DYNC1LI1: variants seen among roughly 807,000 people sequenced by gnomAD.
DYNC1LI1 encodes cytoplasmic dynein 1 light intermediate chain 1.
A neutral mutation model predicts 63.8 loss-of-function variants in DYNC1LI1; 19 were observed. The observed-to-expected ratio is 0.30, with a 90% CI of 0.21 to 0.44. DYNC1LI1 has a LOEUF of 0.44. DYNC1LI1 is among the 20% of genes least tolerant of loss of function. The pLI, the probability that DYNC1LI1 is intolerant of heterozygous loss-of-function variation, is 1.00. For missense variants in DYNC1LI1, 565 were observed against 630.2 expected (o/e 0.90, Z 1.11); for synonymous variants, 225 against 232.3 (o/e 0.97, Z 0.28).
intron 2 of DYNC1LI1, among the ~76,000 whole-genome samples, chr3:32,548,295 T>G (rs888746292): frequency 6.6e-6 from 1 of 152,094 alleles, no homozygotes; most frequent in African/African-American, 2.4e-5. Flanking sequence ...AACCCTAATG[T>G]GAACTGCGCA....
At chr3:32,532,959 A>T in intron 8 of DYNC1LI1, 27 bp downstream of exon 8, 1 of 1,553,342 alleles carries the variant, frequency 6.4e-7, no homozygotes, top group South Asian at 1.2e-5. Context: ...AAGTCTAAAT[A>T]TTGAGATTAT....
intron 2 of DYNC1LI1, among the ~76,000 whole-genome samples, chr3:32,554,869 T>G (rs1263052184): frequency 6.9e-6 from 1 of 144,760 alleles, no homozygotes; most frequent in Non-Finnish European, 1.5e-5. Context: ...TTGAATTTTT[T>G]TTTTTTTTTT....
chr3:32,543,993 C>T (rs1405682006), intron 4 of DYNC1LI1, among the ~76,000 whole-genome samples: 2 of 149,972 alleles, frequency 1.3e-5, no homozygotes, highest in African/African-American at 2.5e-5. Flanking sequence ...GGTGGGGGGG[C>T]GGGCAGAGGT....
Position 32,558,403 on chromosome 3 carries a change from T to TAAA in DYNC1LI1, c.220+11940_220+11942dup, listed in dbSNP as rs533076265. Among the ~76,000 whole-genome samples the TAAA allele has an allele frequency of 1.3e-3, 119 of 90,334 alleles. 1 individual carries two copies. The highest frequency in any genetic ancestry group is 7.8e-3 in the East Asian group (26 of 3,338). 59.3% of individuals were successfully genotyped at this position (90,334 alleles called of 152,430 possible). A position where few individuals can be genotyped will look rare whatever the true frequency, so the allele number is the denominator to read the frequency against. On this transcript the variant is annotated intron_variant, in intron 2 of 12. Transcript: ENST00000273130. The stretch of plus-strand genomic sequence containing the variant: ...TTATTCCCCCAACTCTTTAAAAATG[T>TAAA]AAAAAAAAAAAAAAAAAAAAAAGAA...
chr3:32,532,888 A>G, intron 8 of DYNC1LI1, 98 bp downstream of exon 8: 1 of 1,399,660 alleles, frequency 7.1e-7, no homozygotes, highest in African/African-American at 1.5e-5. Context: ...CAGATGGAAA[A>G]GGACATTTTT....
At chr3:32,538,010 T>TTATATATATAATTTATATATATA (rs1697815696) in intron 5 of DYNC1LI1, among the ~76,000 whole-genome samples, 3 of 20,974 alleles carry the variant, frequency 1.4e-4, no homozygotes, top group East Asian at 3.7e-3. Flanking sequence ...ATATATATAA[T>TTATATATATAATTTATATATATA]ATATATATAT....
rs116214238 is a variant in DYNC1LI1, at chr3:32,561,720, G to A, written c.220+8626C>T. ...AAAAGACCTAACAATTCCACTTCTG[G>A]GAACTTATCCCAAAGAAAATACTGG... On this transcript the variant is annotated intron_variant, in intron 2 of 12. Transcript: ENST00000273130. Among the ~76,000 whole-genome samples the A allele has an allele frequency of 4.6e-3, 698 of 151,982 alleles. 6 individuals carry two copies. The highest frequency in any genetic ancestry group is 5.2e-3 in the Non-Finnish European group (353 of 67,970).
Position 32,545,169 on chromosome 3 carries a change from C to T in DYNC1LI1, c.338-63G>A, listed in dbSNP as rs1340141045. 5.1e-5 allele frequency: 56 copies of T among 1,090,168 alleles called. No individual in the cohort carries two copies. In the East Asian group the frequency reaches 1.3e-3, roughly 25 times the overall value. 67.5% of individuals were successfully genotyped at this position (1,090,168 alleles called of 1,614,324 possible). A position where few individuals can be genotyped will look rare whatever the true frequency, so the allele number is the denominator to read the frequency against. On this transcript the variant is annotated intron_variant, in intron 3 of 12. Transcript: ENST00000273130. ...TTAAGTCATTTCATCATCCAACTAA[C>T]AGTACCACTTGGTATTTTAGTGCAT...
chr3:32,558,616 C>A (rs1446619395), intron 2 of DYNC1LI1, among the ~76,000 whole-genome samples: 1 of 151,886 alleles, frequency 6.6e-6, no homozygotes, highest in Non-Finnish European at 1.5e-5. Flanking sequence ...GAGGCCGAGG[C>A]GGGCCGATCA....
At position 32,530,355 on chromosome 3, in the gene DYNC1LI1, T is replaced by C; in HGVS notation, c.1141-27A>G. The C allele has an allele frequency of 1.9e-6, 3 of 1,553,032 alleles. 1 individual carries two copies. Among genetic ancestry groups the C allele is most frequent in the South Asian group, 2.3e-5 (2 of 86,078 alleles). On this transcript the variant is annotated intron_variant, in intron 9 of 12. Transcript: ENST00000273130. ...TGAAAAAAAAAAAAAAAAAGAATCC[T>C]AGTTTAGACATTCATAGCATATACT...
chr3:32,568,897 AAATAT>A (rs1486266070), intron 2 of DYNC1LI1, among the ~76,000 whole-genome samples: 3 of 152,218 alleles, frequency 2.0e-5, no homozygotes, highest in African/African-American at 7.2e-5. Flanking sequence ...AGTAAACTAA[AAATAT>A]ATTATACAAT....
At chr3:32,560,929 G>A (rs1307159282) in intron 2 of DYNC1LI1, among the ~76,000 whole-genome samples, 2 of 145,968 alleles carry the variant, frequency 1.4e-5, no homozygotes, top group Non-Finnish European at 1.5e-5. Context: ...TTGAACAAGG[G>A]AGGTGGAGGT....
chr3:32,549,393 CCTG>C (rs1377213107), intron 2 of DYNC1LI1, among the ~76,000 whole-genome samples: 4 of 151,430 alleles, frequency 2.6e-5, no homozygotes, highest in Non-Finnish European at 5.9e-5. Flanking sequence ...TTAAAAGGAG[CCTG>C]AATCTGTTCT....
At chr3:32,564,513 TGAC>T (rs1277712173) in intron 2 of DYNC1LI1, among the ~76,000 whole-genome samples, 2 of 152,228 alleles carry the variant, frequency 1.3e-5, no homozygotes, top group Non-Finnish European at 2.9e-5. Context: ...AGAGACCATA[TGAC>T]TTACAAAGCC....
In DYNC1LI1 at chr3:32,538,034, AAT is replaced by A. The variant is rs71630524; in HGVS notation, c.739-932_739-931del. 2.7e-3 allele frequency among the ~76,000 whole-genome samples: 27 copies of A among 10,084 alleles called. 4 individuals are homozygous for A. The East Asian group carries it at 0.12, about 43-fold the overall frequency. The allele number at this position is 10,084 out of a possible 152,430, so 6.6% of individuals were successfully genotyped here. A position where few individuals can be genotyped will look rare whatever the true frequency, so the allele number is the denominator to read the frequency against. On this transcript the variant is annotated intron_variant, in intron 5 of 12. Coordinates refer to ENST00000273130, the MANE Select transcript of DYNC1LI1 (RefSeq NM_016141.4). The stretch of plus-strand genomic sequence containing the variant: ...ATATATATATATAATTTATATATAT[AAT>A]ATATATATATAATTATATATATATA...
chr3:32,548,475 A>C (rs530486945), intron 2 of DYNC1LI1, among the ~76,000 whole-genome samples: 14 of 152,316 alleles, frequency 9.2e-5, no homozygotes, highest in African/African-American at 2.9e-4. Flanking sequence ...TGTTAAATAA[A>C]ACAAGCCAGG....
chr3:32,545,392 C>T lies in DYNC1LI1; in HGVS notation c.338-286G>A, dbSNP rs1697938732. 1.1e-5 allele frequency: 5 copies of T among 443,166 alleles called. 1 individual carries two copies. The South Asian group carries it at 1.2e-4, about 10-fold the overall frequency. 27.5% of individuals were successfully genotyped at this position (443,166 alleles called of 1,614,324 possible). A position where few individuals can be genotyped will look rare whatever the true frequency, so the allele number is the denominator to read the frequency against. The stretch of plus-strand genomic sequence containing the variant: ...TTTCTTAATCCAAAACCAGAGGATG[C>T]ATAACTTGTTTATGTTTTTACCATC... On this transcript the variant is annotated intron_variant, in intron 3 of 12. Transcript: ENST00000273130.
In DYNC1LI1 at chr3:32,528,492, C is replaced by A; in HGVS notation, c.1416G>T (p.Gly472=). The A allele has an allele frequency of 6.2e-7, 1 of 1,614,128 alleles. No homozygotes were observed. The change falls in exon 12 of 13, where the codon GGG becomes GGT. Residue 472 remains glycine (G), a synonymous_variant. Coordinates refer to ENST00000273130, the MANE Select transcript of DYNC1LI1 (RefSeq NM_016141.4). ...PGVSGGSPAG[G]AGGGSSGLPP... is the part of the protein sequence containing the mutation. Reference sequence around the variant, plus strand: ...GTAAACCACTGCTTCCACCTCCAGCCCCACCTGCAGGGCTACCACCACTCA... The same window carrying A: ...GTAAACCACTGCTTCCACCTCCAGCACCACCTGCAGGGCTACCACCACTCA...
chr3:32,545,387 G>A (rs919338564), intron 3 of DYNC1LI1: 2 of 453,616 alleles, frequency 4.4e-6, no homozygotes, highest in East Asian at 4.1e-5. Context: ...CAAAACCAGA[G>A]GATGCATAAC....
Sources: allele counts gnomAD v4.1 joint callset (sites outside exome capture counted in the v4.1 genomes callset), GRCh38; gene constraint gnomAD v4.1.1; transcripts MANE v1.5; gene names NCBI Gene and HGNC (gene_info 2026-07-23, HGNC 2026-07-21).